Variants in ATAD1 observed in about 807,000 individuals in gnomAD.
ATAD1 encodes ATPase family AAA domain containing 1.
A neutral mutation model predicts 42.7 loss-of-function variants in ATAD1; 18 were observed. The ratio of observed to expected loss-of-function variants is 0.42; its 90% confidence interval spans 0.29 to 0.63. The LOEUF is 0.63. Ranked by LOEUF, ATAD1 falls within the 20% of genes least tolerant of loss-of-function variation. The pLI is 0.19. For missense variants in ATAD1, 294 were observed against 440.4 expected, an observed-to-expected ratio of 0.67 and a Z score of 2.98; for synonymous variants, 132 against 143.1, an observed-to-expected ratio of 0.92 and a Z score of 0.55.
At chr10:87,774,388 C>T (rs1308865737) in intron 6 of ATAD1, among the ~76,000 whole-genome samples, 3 of 152,058 alleles carry the variant, frequency 2.0e-5, no homozygotes, top group African/African-American at 4.8e-5. Context: ...TAAAATTTGG[C>T]CAAGGCTACA....
chr10:87,829,534 A>G (rs1055167405), intron 1 of ATAD1, among the ~76,000 whole-genome samples: 6 of 152,166 alleles, frequency 3.9e-5, no homozygotes, highest in African/African-American at 1.4e-4. Context: ...GATTACAGGC[A>G]TGAGCCACCT....
intron 1 of ATAD1, among the ~76,000 whole-genome samples, chr10:87,824,774 G>A (rs535937043): frequency 3.9e-5 from 6 of 152,276 alleles, no homozygotes; most frequent in African/African-American, 1.4e-4. Flanking sequence ...TCTCTGACTT[G>A]TGAAGAGGCT....
intron 2 of ATAD1, among the ~76,000 whole-genome samples, chr10:87,807,566 T>C (rs1359298854): frequency 6.6e-6 from 1 of 152,188 alleles, no homozygotes; most frequent in African/African-American, 2.4e-5. Flanking sequence ...TTTCATATGT[T>C]TATTGACCAC....
chr10:87,784,929 A>C (rs1855754458), intron 4 of ATAD1, among the ~76,000 whole-genome samples: 1 of 152,214 alleles, frequency 6.6e-6, no homozygotes, highest in Non-Finnish European at 1.5e-5. Flanking sequence ...TTAAATGCTC[A>C]CCTTGACATC....
chr10:87,810,424 C>G (rs1857126454), intron 2 of ATAD1, among the ~76,000 whole-genome samples: 2 of 151,952 alleles, frequency 1.3e-5, no homozygotes, highest in South Asian at 4.2e-4. Context: ...TTTAAAAAAT[C>G]TGAACAATTA....
chr10:87,778,752 T>A (rs1362077363), intron 5 of ATAD1, among the ~76,000 whole-genome samples: 1 of 152,074 alleles, frequency 6.6e-6, no homozygotes, highest in African/African-American at 2.4e-5. Flanking sequence ...AAACAAAAAA[T>A]TGGATAGACT....
chr10:87,791,030 C>CAAAAAA (rs34722647), intron 3 of ATAD1, among the ~76,000 whole-genome samples: 18 of 66,252 alleles, frequency 2.7e-4, no homozygotes, highest in African/African-American at 9.3e-4. Flanking sequence ...ACTAAAATTA[C>CAAAAAA]AAAAAAAAAA....
chr10:87,761,777 T>C (rs1854495663), intron 8 of ATAD1, among the ~76,000 whole-genome samples: 1 of 151,948 alleles, frequency 6.6e-6, no homozygotes, highest in African/African-American at 2.4e-5. Flanking sequence ...TCCTCTTATT[T>C]CTTTTTTAGA....
At chr10:87,822,432 T>C (rs1857648636), upstream of ATAD1, among the ~76,000 whole-genome samples, 1 of 152,058 alleles carries the variant, frequency 6.6e-6, no homozygotes, top group Admixed American at 6.6e-5. Flanking sequence ...TAGAACACAA[T>C]GGAGTACTAT....
chr10:87,766,098 T>C (rs928367763), intron 8 of ATAD1, among the ~76,000 whole-genome samples: 5 of 152,136 alleles, frequency 3.3e-5, no homozygotes, highest in African/African-American at 4.8e-5. Flanking sequence ...TCTATCATGT[T>C]GGCACGAAGT....
chr10:87,794,893 T>C (rs1856306962), intron 2 of ATAD1, among the ~76,000 whole-genome samples: 1 of 152,264 alleles, frequency 6.6e-6, no homozygotes, highest in Admixed American at 6.5e-5. Flanking sequence ...CTAAGATCTC[T>C]TTCCTGCAAC....
At chr10:87,816,148 C>G (rs1857406014) in intron 1 of ATAD1, among the ~76,000 whole-genome samples, 1 of 152,142 alleles carries the variant, frequency 6.6e-6, no homozygotes, top group Admixed American at 6.5e-5. Context: ...TCCTTATAAA[C>G]AAGATGTATA....
intron 5 of ATAD1, among the ~76,000 whole-genome samples, chr10:87,778,524 A>G (rs1345601571): frequency 6.6e-6 from 1 of 152,186 alleles, no homozygotes; most frequent in East Asian, 1.9e-4. Context: ...TATATACCTT[A>G]TACACATAGA....
At chr10:87,800,868 T>G (rs1030222633) in intron 2 of ATAD1, among the ~76,000 whole-genome samples, 3 of 152,138 alleles carry the variant, frequency 2.0e-5, no homozygotes, top group Admixed American at 1.3e-4. Flanking sequence ...GGGACTATCA[T>G]AGAAGAGGCG....
chr10:87,838,669 A>G (rs1265498315), intron 1 of ATAD1, among the ~76,000 whole-genome samples: 1 of 152,104 alleles, frequency 6.6e-6, no homozygotes, highest in Non-Finnish European at 1.5e-5. Flanking sequence ...AGATGAGGTC[A>G]TGAGAGTGGG....
chr10:87,826,923 A>G (rs1031684113), intron 1 of ATAD1, among the ~76,000 whole-genome samples: 1 of 152,086 alleles, frequency 6.6e-6, no homozygotes, highest in African/African-American at 2.4e-5. Context: ...CAAAAAGAGA[A>G]GACAACTAAA....
chr10:87,787,025 A>T (rs1855870873), intron 4 of ATAD1, among the ~76,000 whole-genome samples: 1 of 152,164 alleles, frequency 6.6e-6, no homozygotes, highest in African/African-American at 2.4e-5. Context: ...TCTAGAGATA[A>T]CGTTATTTAG....
chr10:87,802,980 T>TA (rs1159625021), intron 2 of ATAD1, among the ~76,000 whole-genome samples: 4 of 152,216 alleles, frequency 2.6e-5, no homozygotes, highest in Non-Finnish European at 5.9e-5. Flanking sequence ...TAAGCTGTGC[T>TA]TTCTTAATGC....
chr10:87,801,967 GT>G (rs895889956), intron 2 of ATAD1, among the ~76,000 whole-genome samples: 3 of 152,096 alleles, frequency 2.0e-5, no homozygotes, highest in African/African-American at 7.2e-5. Context: ...CCTTTGTTTT[GT>G]TTTTTTCAAA....
Sources: gnomAD v4.1 joint callset for allele counts (sites outside exome capture counted in the v4.1 genomes callset) on GRCh38, gnomAD v4.1.1 for gene constraint, MANE v1.5 for transcripts, NCBI Gene and HGNC (gene_info 2026-07-23, HGNC 2026-07-21) for gene names.